The following COMMD10 variants were observed in gnomAD, a reference collection of about 807,000 sequenced individuals.
COMMD10 encodes COMM domain-containing protein 10.
Under a neutral mutation model 28.9 loss-of-function variants are expected in COMMD10, and 33 were observed. That is an observed-to-expected ratio of 1.14 (90% confidence interval 0.87 to 1.53). The LOEUF (loss-of-function observed/expected upper bound fraction) is 1.53, where lower values mean the gene tolerates loss of function less well. Among genes scored for constraint, COMMD10 ranks in the 40% most tolerant of loss-of-function variants. The pLI, the probability that COMMD10 is intolerant of heterozygous loss-of-function variation, is 0.00. For synonymous variants in COMMD10, 110 were observed against 81.7 expected (o/e 1.35, Z -1.87); for missense variants, 310 against 233.4 (o/e 1.33, Z -2.14).
chr5:116,269,293 C>A (rs1055779415), intron 5 of COMMD10, among the ~76,000 whole-genome samples: 15 of 151,762 alleles, frequency 9.9e-5, no homozygotes, highest in African/African-American at 3.4e-4. Flanking sequence ...GAAAGATTTT[C>A]TCCCAAGCCT....
intron 4 of COMMD10, among the ~76,000 whole-genome samples, chr5:116,104,851 C>G (rs888211781): frequency 1.3e-5 from 2 of 152,184 alleles, no homozygotes; most frequent in Admixed American, 6.5e-5. Flanking sequence ...GATCCCCTGA[C>G]CTCGTGATCC....
intron 5 of COMMD10, among the ~76,000 whole-genome samples, chr5:116,220,456 T>C (rs76590020): frequency 6.6e-6 from 1 of 152,024 alleles, no homozygotes; most frequent in Non-Finnish European, 1.5e-5. Flanking sequence ...GAGGTGAACA[T>C]CGTAGATAAT....
intron 5 of COMMD10, among the ~76,000 whole-genome samples, chr5:116,145,770 A>G (rs1047852895): frequency 1.3e-5 from 2 of 151,706 alleles, no homozygotes; most frequent in Non-Finnish European, 2.9e-5. Context: ...ACGAGATGTG[A>G]TTGTTTTATA....
chr5:116,108,986 A>G (rs112109894), intron 4 of COMMD10, among the ~76,000 whole-genome samples: 8,256 of 152,040 alleles, frequency 0.054, 324 homozygotes, highest in African/African-American at 0.11. Context: ...GGGTGAGGCA[A>G]TGCCCCACCC....
intron 5 of COMMD10, among the ~76,000 whole-genome samples, chr5:116,268,590 C>G (rs1230414931): frequency 6.6e-6 from 1 of 152,010 alleles, no homozygotes; most frequent in South Asian, 2.1e-4. Flanking sequence ...ACCCAGCCAT[C>G]CCATTACTGG....
chr5:116,272,665 G>T (rs1187170694), intron 5 of COMMD10, among the ~76,000 whole-genome samples: 1 of 151,858 alleles, frequency 6.6e-6, no homozygotes, highest in East Asian at 1.9e-4. Context: ...ATTCTTGGAA[G>T]AAATGCTTCG....
chr5:116,088,152 ATTCC>A (rs763537064), intron 2 of COMMD10, among the ~76,000 whole-genome samples: 4,725 of 152,282 alleles, frequency 0.031, 80 homozygotes, highest in African/African-American at 0.034. Context: ...TAAAAATTTG[ATTCC>A]ATCTCATATT....
intron 5 of COMMD10, among the ~76,000 whole-genome samples, chr5:116,239,304 T>G (rs555336541): frequency 2.6e-5 from 4 of 152,218 alleles, no homozygotes; most frequent in African/African-American, 9.6e-5. Context: ...ATCAGAACTT[T>G]GATTTCTCTT....
intron 5 of COMMD10, among the ~76,000 whole-genome samples, chr5:116,177,921 T>C (rs1199487162): frequency 6.6e-6 from 1 of 152,174 alleles, no homozygotes; most frequent in African/African-American, 2.4e-5. Context: ...AATAAACGTT[T>C]ATTATCTGAA....
intron 4 of COMMD10, among the ~76,000 whole-genome samples, chr5:116,102,850 T>C (rs1750710826): frequency 6.6e-6 from 1 of 151,954 alleles, no homozygotes; most frequent in African/African-American, 2.4e-5. Flanking sequence ...CAGTGTGTGA[T>C]TCCCCCACCC....
intron 4 of COMMD10, among the ~76,000 whole-genome samples, chr5:116,111,777 T>C (rs1751053345): frequency 6.6e-6 from 1 of 152,208 alleles, no homozygotes; most frequent in Non-Finnish European, 1.5e-5. Context: ...TCTATAAATG[T>C]GTGTTAGGTA....
intron 5 of COMMD10, among the ~76,000 whole-genome samples, chr5:116,207,143 A>T (rs967485276): frequency 6.6e-6 from 1 of 152,200 alleles, no homozygotes; most frequent in Non-Finnish European, 1.5e-5. Context: ...TTATTATATC[A>T]CTATGTCAGT....
chr5:116,143,033 C>A (rs1348582769), intron 5 of COMMD10, among the ~76,000 whole-genome samples: 3 of 144,008 alleles, frequency 2.1e-5, no homozygotes, highest in African/African-American at 7.6e-5. Context: ...AACAGCAATA[C>A]AGAAATGTTT....
At chr5:116,156,952 T>C (rs571995088) in intron 5 of COMMD10, among the ~76,000 whole-genome samples, 1 of 152,292 alleles carries the variant, frequency 6.6e-6, no homozygotes, top group South Asian at 2.1e-4. Context: ...CATATTGCCT[T>C]ATGGTGTACA....
chr5:116,093,197 T>A (rs1750355510), intron 4 of COMMD10, among the ~76,000 whole-genome samples: 1 of 152,174 alleles, frequency 6.6e-6, no homozygotes, highest in Non-Finnish European at 1.5e-5. Context: ...AGTGGTGTGG[T>A]ACATAAGATA....
intron 5 of COMMD10, among the ~76,000 whole-genome samples, chr5:116,206,505 A>G (rs1377084521): frequency 6.6e-6 from 1 of 152,074 alleles, no homozygotes; most frequent in Non-Finnish European, 1.5e-5. Context: ...ACAAAAAATT[A>G]ACTGGGTGTG....
At chr5:116,246,487 A>G (rs772247518) in intron 5 of COMMD10, among the ~76,000 whole-genome samples, 17 of 152,020 alleles carry the variant, frequency 1.1e-4, no homozygotes, top group Non-Finnish European at 2.4e-4. Context: ...AAAAAAAACT[A>G]TCTTAAAGTT....
chr5:116,143,560 CA>C, intron 5 of COMMD10, among the ~76,000 whole-genome samples: 1 of 151,522 alleles, frequency 6.6e-6, no homozygotes, highest in East Asian at 1.9e-4. Flanking sequence ...CTCTGAAACC[CA>C]GAGGCAGTTG....
At chr5:116,262,440 T>C (rs1580594095) in intron 5 of COMMD10, among the ~76,000 whole-genome samples, 1 of 151,844 alleles carries the variant, frequency 6.6e-6, no homozygotes, top group East Asian at 1.9e-4. Context: ...TGTTTTTGTT[T>C]TATCCATCAT....
Sources: allele counts gnomAD v4.1 joint callset (sites outside exome capture counted in the v4.1 genomes callset), GRCh38; gene constraint gnomAD v4.1.1; transcripts MANE v1.5; gene names NCBI Gene and HGNC (gene_info 2026-07-23, HGNC 2026-07-21).